Variants in PLEKHA8 observed in about 807,000 individuals in gnomAD.
PLEKHA8 encodes pleckstrin homology domain-containing family A member 8.
In PLEKHA8, 36 loss-of-function variants were observed where a neutral mutation model predicts 68.2. That is an observed-to-expected ratio of 0.53 (90% CI 0.40 to 0.70). PLEKHA8 has a LOEUF of 0.70. Among genes scored for constraint, PLEKHA8 ranks in the 30% least tolerant of loss-of-function variants. The pLI is 0.00. For missense variants in PLEKHA8, 505 were observed against 615.4 expected (o/e 0.82, Z 1.90); for synonymous variants, 211 against 216.1 (o/e 0.98, Z 0.20).
intron 13 of PLEKHA8, among the ~76,000 whole-genome samples, chr7:30,110,635 A>G (rs1188994135): frequency 6.6e-6 from 1 of 152,246 alleles, no homozygotes; most frequent in Non-Finnish European, 1.5e-5. Flanking sequence ...TTTACAGTCC[A>G]GCAGCAATAT....
chr7:30,070,049 G>C (rs1794130053), intron 12 of PLEKHA8, among the ~76,000 whole-genome samples: 1 of 152,012 alleles, frequency 6.6e-6, no homozygotes, highest in Non-Finnish European at 1.5e-5. Context: ...GTCAGGCTTA[G>C]ACTTCATCTT....
At position 30,108,470 on chromosome 7, in the gene PLEKHA8, G is replaced by A. The variant is rs2128015786; in HGVS notation, c.1363-20796G>A. Among the ~76,000 whole-genome samples, 2 of 151,670 alleles carry A rather than the reference G, an allele frequency of 1.3e-5. 1 individual carries two copies. The highest frequency in any genetic ancestry group is 4.2e-4 in the South Asian group (2 of 4,770). The stretch of plus-strand genomic sequence containing the variant: ...CTGGGTATGACTGGTAAACCTTCTG[G>A]GTTTAATGGGTTTTATTTTTATCTT... On this transcript the variant is annotated intron_variant, in intron 13 of 13. Coordinates refer to the PLEKHA8 transcript ENST00000396257.
intron 13 of PLEKHA8, chr7:30,129,201 G>C: frequency 1.2e-6 from 2 of 1,611,028 alleles, no homozygotes; most frequent in Non-Finnish European, 1.7e-6. Flanking sequence ...TTGCTGGTTG[G>C]GACTAAAAGA....
At chr7:30,037,753 T>C (rs935116836) in intron 1 of PLEKHA8, among the ~76,000 whole-genome samples, 15 of 152,164 alleles carry the variant, frequency 9.9e-5, no homozygotes, top group Admixed American at 9.8e-4. Context: ...TCATTTTTTT[T>C]TTCTGCATTT....
At chr7:30,094,953 C>T (rs1433090825), downstream of PLEKHA8, among the ~76,000 whole-genome samples, 1 of 152,124 alleles carries the variant, frequency 6.6e-6, no homozygotes, top group African/African-American at 2.4e-5. Flanking sequence ...GGTTCCAAGT[C>T]TTTGCTATTG....
At chr7:30,053,656 C>T (rs1792596718) in intron 7 of PLEKHA8, among the ~76,000 whole-genome samples, 2 of 152,034 alleles carry the variant, frequency 1.3e-5, no homozygotes, top group South Asian at 4.1e-4. Flanking sequence ...TTTATTTGCT[C>T]CTATAATTTT....
intron 6 of PLEKHA8, chr7:30,050,737 C>G (rs997193666): frequency 3.6e-5 from 9 of 252,564 alleles, no homozygotes; most frequent in Non-Finnish European, 6.6e-5. Flanking sequence ...TTTAATCTCT[C>G]TAGGGTGTAC....
chr7:30,054,285 C>T (rs978261530), intron 7 of PLEKHA8, among the ~76,000 whole-genome samples: 2 of 151,914 alleles, frequency 1.3e-5, no homozygotes, highest in Non-Finnish European at 2.9e-5. Context: ...GCAAAAGTGC[C>T]GCATGTATTG....
chr7:30,109,758 G>A (rs1050460773), intron 13 of PLEKHA8, among the ~76,000 whole-genome samples: 11 of 147,580 alleles, frequency 7.5e-5, no homozygotes, highest in South Asian at 2.1e-4. Context: ...TGCAACCTTC[G>A]CCTCCCGGGC....
rs780210136 is a variant in PLEKHA8 at position 30,055,303 on chromosome 7, G to A, written c.1000G>A (p.Ala334Thr). The A allele has an allele frequency of 1.9e-6, 3 of 1,614,146 alleles. No homozygotes were observed. Among genetic ancestry groups the A allele is most frequent in the Non-Finnish European group, 1.7e-6 (2 of 1,180,006 alleles). Residue 334 changes from alanine to threonine, a missense_variant, in exon 9 of 14, where the codon GCA becomes ACA. By Grantham distance (58) the Ala-to-Thr change is moderately conservative (BLOSUM62 0). Transcript: ENST00000449726. Reference protein sequence around the residue: ...LLEDSGIPTEAFLASCYAVVP... With the variant: ...LLEDSGIPTETFLASCYAVVP... Reference sequence around the variant, plus strand: ...GGAAGACAGTGGCATTCCCACAGAAGCATTCTTGGCATCATGTTATGCTGT... The same window carrying A: ...GGAAGACAGTGGCATTCCCACAGAAACATTCTTGGCATCATGTTATGCTGT...
Position 30,115,825 on chromosome 7 carries a change from CGTGCACATACATGT to C in PLEKHA8, c.1363-13440_1363-13427del, listed in dbSNP as rs1796465972. 14 of 141,462 alleles carry C rather than the reference CGTGCACATACATGT, an allele frequency of 9.9e-5. No homozygotes were observed. The South Asian group carries it at 2.6e-3, about 26-fold the overall frequency. 8.8% of individuals were successfully genotyped at this position (141,462 alleles called of 1,614,324 possible). On this transcript the variant is annotated intron_variant, in intron 13 of 13. Coordinates refer to the PLEKHA8 transcript ENST00000396257. ...GTATACACGCATGCATGTATACATG[CGTGCACATACATGT>C]ATACACGTATGCATACATACGTGCA... is the stretch of plus-strand genomic sequence containing the variant.
chr7:30,117,078 T>C (rs114997120), intron 13 of PLEKHA8, among the ~76,000 whole-genome samples: 1,784 of 152,324 alleles, frequency 0.012, 35 homozygotes, highest in African/African-American at 0.042. Flanking sequence ...ACGTAATGAC[T>C]GTGGAAGGCA....
In PLEKHA8 at chr7:30,055,152, A is replaced by T. The variant is rs150800158; in HGVS notation, c.954-105A>T. 4,814 of 1,016,762 alleles carry T rather than the reference A, an allele frequency of 4.7e-3. 26 individuals carry two copies. The highest frequency in any genetic ancestry group is 0.022 in the East Asian group (905 of 41,622). The allele number at this position is 1,016,762 out of a possible 1,614,324, so 63.0% of individuals were successfully genotyped here. ...TTACTGGGGCATATCAAGTCAAACGATTTGCCCTACAGAGAGGCAGCTGTG... is the reference window on the plus strand; with the variant it reads ...TTACTGGGGCATATCAAGTCAAACGTTTTGCCCTACAGAGAGGCAGCTGTG... On this transcript the variant is annotated intron_variant, in intron 8 of 13. Coordinates refer to ENST00000449726, the MANE Select transcript of PLEKHA8 (RefSeq NM_001197026.2).
intron 13 of PLEKHA8, among the ~76,000 whole-genome samples, chr7:30,076,666 A>G (rs1794627760): frequency 6.6e-6 from 1 of 152,202 alleles, no homozygotes; most frequent in African/African-American, 2.4e-5. Flanking sequence ...TATTATTGCC[A>G]ATAAAGGTGC....
Position 30,082,121 on chromosome 7 carries a change from G to T in PLEKHA8, c.*3334G>T, listed in dbSNP as rs971073756. 2 of 985,202 alleles carry T rather than the reference G, an allele frequency of 2.0e-6. No individual in the cohort carries two copies. Among genetic ancestry groups the T allele is most frequent in the Non-Finnish European group, 2.4e-6 (2 of 829,926 alleles). 61.0% of individuals were successfully genotyped at this position (985,202 alleles called of 1,614,324 possible). Reference sequence around the variant, plus strand: ...TGGGCCCAAGACATTGACTTCGAAGGGTAGTTCTCATTAGGATGTATAAGT... The same window carrying T: ...TGGGCCCAAGACATTGACTTCGAAGTGTAGTTCTCATTAGGATGTATAAGT... On this transcript the variant is annotated 3_prime_UTR_variant, in exon 14 of 14. Transcript: ENST00000449726.
Position 30,070,046 on chromosome 7 carries a change from T to G in PLEKHA8, c.1301-4025T>G, listed in dbSNP as rs544772458. On this transcript the variant is annotated intron_variant, in intron 12 of 13. Coordinates refer to ENST00000449726, the MANE Select transcript of PLEKHA8 (RefSeq NM_001197026.2). ...TCTAGGTAACCAAAATAGGTCAGGC[T>G]TAGACTTCATCTTATTTTAATGCCA... is the stretch of plus-strand genomic sequence containing the variant. Among the ~76,000 whole-genome samples, 11 of 152,338 alleles carry G rather than the reference T, an allele frequency of 7.2e-5. No individual in the cohort carries two copies. The East Asian group carries it at 2.1e-3, about 29-fold the overall frequency.
At chr7:30,089,284 T>C (rs1795304161), downstream of PLEKHA8, among the ~76,000 whole-genome samples, 1 of 152,078 alleles carries the variant, frequency 6.6e-6, no homozygotes, top group South Asian at 2.1e-4. Context: ...GAATCACTTA[T>C]CCAAGTGTCT....
Position 30,080,602 on chromosome 7 carries a change from T to G in PLEKHA8, c.*1815T>G. Reference sequence around the variant, plus strand: ...AGATTAATTAGGTATTTTGCCCACATAAAGACTTCTGGAAAATACTTAAAC... The same window carrying G: ...AGATTAATTAGGTATTTTGCCCACAGAAAGACTTCTGGAAAATACTTAAAC... On this transcript the variant is annotated 3_prime_UTR_variant, in exon 14 of 14. Transcript: ENST00000449726. The G allele has an allele frequency of 1.0e-6, 1 of 985,340 alleles. No individual in the cohort carries two copies. The highest frequency in any genetic ancestry group is 1.2e-6 in the Non-Finnish European group (1 of 829,886). The allele number at this position is 985,340 out of a possible 1,614,324, so 61.0% of individuals were successfully genotyped here.
At chr7:30,123,949 GTTTAAC>G (rs2128025569) in intron 13 of PLEKHA8, among the ~76,000 whole-genome samples, 1 of 152,310 alleles carries the variant, frequency 6.6e-6, no homozygotes, top group East Asian at 1.9e-4. Flanking sequence ...GCTAATCCTA[GTTTAAC>G]TTTATATACT....
Sources: allele counts gnomAD v4.1 joint callset (sites outside exome capture counted in the v4.1 genomes callset), GRCh38; gene constraint gnomAD v4.1.1; transcripts MANE v1.5; gene names NCBI Gene and HGNC (gene_info 2026-07-23, HGNC 2026-07-21).